The following TMEM181 variants were observed in gnomAD, a reference collection of about 807,000 sequenced individuals.
The protein encoded by TMEM181 is transmembrane protein 181.
TMEM181 carries 39 observed loss-of-function variants against 71.9 expected under a neutral mutation model. The observed-to-expected ratio is 0.54, with a 90% confidence interval of 0.42 to 0.71. The LOEUF is 0.71. TMEM181 is among the 30% of genes least tolerant of loss of function. The probability of loss-of-function intolerance (pLI) is 0.00; values close to 1 mark genes in which losing one functional copy is unlikely to be tolerated. For missense variants in TMEM181, 595 were observed against 583.0 expected, an observed-to-expected ratio of 1.02 and a Z score of -0.21; for synonymous variants, 245 against 228.8, an observed-to-expected ratio of 1.07 and a Z score of -0.64.
intron 10 of TMEM181, among the ~76,000 whole-genome samples, chr6:158,617,917 A>G (rs1253266013): frequency 6.6e-6 from 1 of 152,234 alleles, no homozygotes; most frequent in Non-Finnish European, 1.5e-5. Flanking sequence ...CAATTTTGGA[A>G]TAAGTATGAT....
intron 3 of TMEM181, among the ~76,000 whole-genome samples, chr6:158,583,672 C>T (rs1175352860): frequency 2.0e-5 from 3 of 151,566 alleles, no homozygotes; most frequent in Non-Finnish European, 4.4e-5. Context: ...TGGTGGCGGG[C>T]GCCTGTAGTC....
intron 6 of TMEM181, among the ~76,000 whole-genome samples, chr6:158,596,440 G>A (rs1784394585): frequency 6.6e-6 from 1 of 152,148 alleles, no homozygotes; most frequent in South Asian, 2.1e-4. Context: ...TTAGTTCTGA[G>A]TTCTGCATTC....
At chr6:158,604,846 A>T (rs1351514526) in intron 6 of TMEM181, among the ~76,000 whole-genome samples, 1 of 152,192 alleles carries the variant, frequency 6.6e-6, no homozygotes, top group African/African-American at 2.4e-5. Context: ...TCCATGTAAC[A>T]ACATTTGAAA....
At chr6:158,585,512 A>G (rs777960663) in intron 5 of TMEM181, 87 bp downstream of exon 5, 38 of 1,319,654 alleles carry the variant, frequency 2.9e-5, no homozygotes, top group Admixed American at 1.8e-4. Flanking sequence ...AAAAGATAGC[A>G]TGGTAAGAGG....
intron 6 of TMEM181, among the ~76,000 whole-genome samples, chr6:158,590,142 A>AT (rs1784024752): frequency 6.6e-6 from 1 of 152,054 alleles, no homozygotes; most frequent in Non-Finnish European, 1.5e-5. Flanking sequence ...CACTGTTCTA[A>AT]TTGTTAGACT....
At chr6:158,628,098 G>A (rs1786430843) in intron 13 of TMEM181, among the ~76,000 whole-genome samples, 1 of 152,222 alleles carries the variant, frequency 6.6e-6, no homozygotes, top group African/African-American at 2.4e-5. Flanking sequence ...GGGAGGAAAT[G>A]TGCCAAGGAG....
At chr6:158,574,905 A>G (rs1783077086) in intron 2 of TMEM181, among the ~76,000 whole-genome samples, 1 of 152,208 alleles carries the variant, frequency 6.6e-6, no homozygotes, top group South Asian at 2.1e-4. Flanking sequence ...GCCCAAAGGC[A>G]TGAGAACTAG....
chr6:158,609,930 TG>T, intron 10 of TMEM181: 1 of 231,228 alleles, frequency 4.3e-6, no homozygotes. Context: ...GCTTCTCAGG[TG>T]GAGGAGTACG....
At chr6:158,536,806 G>A in exon 1 of TMEM181, 1 of 1,559,522 alleles carries the variant, frequency 6.4e-7, no homozygotes, top group South Asian at 1.1e-5. Context: ...GGCGGCTGCG[G>A]GAAGCGTACC....
At position 158,571,305 on chromosome 6, in the gene TMEM181, G is replaced by GT. The variant is rs1554303778; in HGVS notation, c.9-2115_9-2114insT. On this transcript the variant is annotated intron_variant, in intron 1 of 16. Transcript: ENST00000684151. Reference sequence around the variant, plus strand: ...GTAAAGACGGGGTTTCACCGTGTTAGCAGGATGGTCTCGATCTCCTGACCT... The same window carrying GT: ...GTAAAGACGGGGTTTCACCGTGTTAGTCAGGATGGTCTCGATCTCCTGACCT... Among the ~76,000 whole-genome samples, 4 of 149,256 alleles carry GT rather than the reference G, an allele frequency of 2.7e-5. No individual in the cohort carries two copies. In the South Asian group the frequency reaches 6.3e-4, roughly 24 times the overall value.
At chr6:158,607,829 A>C (rs1785038160) in intron 8 of TMEM181, among the ~76,000 whole-genome samples, 1 of 152,212 alleles carries the variant, frequency 6.6e-6, no homozygotes, top group Non-Finnish European at 1.5e-5. Context: ...TCTCTAACAA[A>C]TAGGCGGCTG....
chr6:158,585,273 G>C, intron 4 of TMEM181, 31 bp from the exon 5 acceptor site: 4 of 1,564,474 alleles, frequency 2.6e-6, no homozygotes, highest in Non-Finnish European at 3.5e-6. Flanking sequence ...GCCTGGCATG[G>C]TCTCTAACAC....
chr6:158,585,867 C>T (rs1419632814), intron 5 of TMEM181, among the ~76,000 whole-genome samples: 1 of 152,150 alleles, frequency 6.6e-6, no homozygotes, highest in Non-Finnish European at 1.5e-5. Flanking sequence ...CTCTGTCAAC[C>T]AGGCTGGAGT....
intron 1 of TMEM181, among the ~76,000 whole-genome samples, chr6:158,570,443 G>A (rs183990771): frequency 5.0e-4 from 76 of 150,778 alleles, no homozygotes; most frequent in African/African-American, 1.5e-3. Flanking sequence ...GGGTTTCACC[G>A]TGTCAGCCAG....
chr6:158,603,456 G>C (rs547138501), intron 6 of TMEM181, among the ~76,000 whole-genome samples: 1 of 152,308 alleles, frequency 6.6e-6, no homozygotes, highest in East Asian at 1.9e-4. Context: ...CTGGCCCACT[G>C]CTCATCTGCT....
chr6:158,540,067 T>C (rs1781283933), intron 1 of TMEM181, among the ~76,000 whole-genome samples: 1 of 152,250 alleles, frequency 6.6e-6, no homozygotes, highest in African/African-American at 2.4e-5. Flanking sequence ...TTCTTTCTTT[T>C]TAACTTGATA....
rs964189321 is a variant in TMEM181 at position 158,560,268 on chromosome 6, C to T, written c.8+36C>T. 1.1e-5 allele frequency: 11 copies of T among 985,156 alleles called. No individual in the cohort carries two copies. The Admixed American group carries it at 1.8e-4, about 17-fold the overall frequency. 61.0% of individuals were successfully genotyped at this position (985,156 alleles called of 1,614,324 possible). A position where few individuals can be genotyped will look rare whatever the true frequency, so the allele number is the denominator to read the frequency against. ...GGCCGAGCGGGCGGGCTGGCTGGCT[C>T]TCCGGACACTCCGGCCGAAAGTTGG... On this transcript the variant is annotated intron_variant, in intron 1 of 16. Transcript: ENST00000684151.
intron 10 of TMEM181, among the ~76,000 whole-genome samples, chr6:158,614,553 TG>T (rs1341172344): frequency 6.6e-6 from 1 of 152,192 alleles, no homozygotes; most frequent in East Asian, 1.9e-4. Context: ...TTGTTACATA[TG>T]TATACATGTG....
chr6:158,582,334 A>G (rs564056686), intron 3 of TMEM181, among the ~76,000 whole-genome samples: 5 of 152,154 alleles, frequency 3.3e-5, no homozygotes, highest in African/African-American at 4.8e-5. Flanking sequence ...GACCATCCTC[A>G]CTTCACTAAG....
Sources: allele counts gnomAD v4.1 joint callset (sites outside exome capture counted in the v4.1 genomes callset), GRCh38; gene constraint gnomAD v4.1.1; transcripts MANE v1.5; gene names NCBI Gene and HGNC (gene_info 2026-07-23, HGNC 2026-07-21).